RAD51B: variants seen among roughly 807,000 people sequenced by gnomAD.
The protein encoded by RAD51B is RAD51 paralog B, also known as DNA repair protein RAD51 homolog 2.
In RAD51B, 38 loss-of-function variants were observed where a neutral mutation model predicts 42.2. That is an observed-to-expected ratio of 0.90 (90% CI 0.70 to 1.18). The LOEUF is 1.18. Ranked by LOEUF, RAD51B falls within the 50% of genes most tolerant of loss-of-function variation. The pLI, the probability that RAD51B is intolerant of heterozygous loss-of-function variation, is 0.00. For missense variants in RAD51B, 373 were observed against 400.7 expected (o/e 0.93, Z 0.59); for synonymous variants, 154 against 145.2 (o/e 1.06, Z -0.43).
chr14:67,933,356 C>G (rs1308350115), intron 7 of RAD51B, among the ~76,000 whole-genome samples: 1 of 152,180 alleles, frequency 6.6e-6, no homozygotes, highest in Admixed American at 6.5e-5. Flanking sequence ...TATGGGGCCT[C>G]TGATTTCCAG....
chr14:68,003,780 G>GT (rs1310548926), intron 7 of RAD51B, among the ~76,000 whole-genome samples: 2 of 152,130 alleles, frequency 1.3e-5, no homozygotes, highest in East Asian at 3.9e-4. Context: ...GATAATCGTG[G>GT]TTTTTTTCTA....
At chr14:68,271,218 C>A (rs1419253707) in intron 7 of RAD51B, among the ~76,000 whole-genome samples, 1 of 152,216 alleles carries the variant, frequency 6.6e-6, no homozygotes, top group Non-Finnish European at 1.5e-5. Context: ...GGAAGGATTT[C>A]TATCTGTTTT....
rs149120916 is a variant in RAD51B at position 68,297,582 on chromosome 14, C to T, written c.853+5602C>T. On this transcript the variant is annotated intron_variant, in intron 8 of 10. Coordinates refer to ENST00000471583, the MANE Select transcript of RAD51B (RefSeq NM_133510.4). ...TGGTTTGTGTAGGGCCATGTACCAA[C>T]GGGTATGAGTGGAGTAGTTTTAAAA... Among the ~76,000 whole-genome samples the T allele has an allele frequency of 3.0e-3, 455 of 152,198 alleles. 9 individuals carry two copies. In the East Asian group the frequency reaches 0.039, roughly 13 times the overall value.
chr14:67,911,252 ATGG>A (rs1443638610), intron 7 of RAD51B, among the ~76,000 whole-genome samples: 2 of 152,238 alleles, frequency 1.3e-5, no homozygotes, highest in Non-Finnish European at 2.9e-5. Flanking sequence ...TTGCATTGAA[ATGG>A]TGGTGCATGG....
At chr14:68,169,677 G>C (rs950532954) in intron 7 of RAD51B, among the ~76,000 whole-genome samples, 6 of 152,174 alleles carry the variant, frequency 3.9e-5, no homozygotes, top group African/African-American at 1.4e-4. Flanking sequence ...GATGGTCTGA[G>C]AGGCAGTTAG....
intron 9 of RAD51B, chr14:68,422,070 C>T: frequency 1.3e-6 from 2 of 1,527,300 alleles, no homozygotes; most frequent in South Asian, 2.2e-5. Flanking sequence ...AATCCTTTCT[C>T]TCCAGTGCTC....
chr14:68,566,960 T>C (rs781353235), intron 10 of RAD51B, among the ~76,000 whole-genome samples: 12 of 152,196 alleles, frequency 7.9e-5, no homozygotes, highest in Non-Finnish European at 1.6e-4. Context: ...TTCAATATGC[T>C]TGTTTTGTTA....
At chr14:68,374,083 AC>A (rs1164145448) in intron 8 of RAD51B, among the ~76,000 whole-genome samples, 2 of 152,196 alleles carry the variant, frequency 1.3e-5, no homozygotes, top group African/African-American at 4.8e-5. Flanking sequence ...AGGAAATGAA[AC>A]TCAACAAAGA....
rs2076923456 is a variant in RAD51B at position 68,082,253 on chromosome 14, C to T, written c.756+195049C>T. 3.9e-5 allele frequency among the ~76,000 whole-genome samples: 6 copies of T among 152,256 alleles called. No homozygotes were observed. In the South Asian group the frequency reaches 1.2e-3, roughly 32 times the overall value. On this transcript the variant is annotated intron_variant, in intron 7 of 10. Coordinates refer to ENST00000471583, the MANE Select transcript of RAD51B (RefSeq NM_133510.4). ...GGGATTATAGATGTGAGCCACTGCG[C>T]CCGGCCGCAAATAATATTTCTTAAT...
chr14:68,104,340 G>A (rs538311012), intron 7 of RAD51B, among the ~76,000 whole-genome samples: 4 of 152,176 alleles, frequency 2.6e-5, no homozygotes, highest in Admixed American at 1.3e-4. Context: ...CTGCTTCTAC[G>A]TGTTTTGTTT....
At chr14:68,476,802 A>G (rs1882657597) in intron 10 of RAD51B, among the ~76,000 whole-genome samples, 2 of 152,322 alleles carry the variant, frequency 1.3e-5, no homozygotes, top group South Asian at 2.1e-4. Flanking sequence ...AAATCTTCCT[A>G]TCTACCTACT....
At position 68,275,794 on chromosome 14, in the gene RAD51B, C is replaced by CCACACACACACACA. The variant is rs10641411; in HGVS notation, c.757-16056_757-16043dup. Among the ~76,000 whole-genome samples, 487 of 141,358 alleles carry CCACACACACACACA rather than the reference C, an allele frequency of 3.4e-3. 2 individuals are homozygous for CCACACACACACACA. The highest frequency in any genetic ancestry group is 7.2e-3 in the African/African-American group (272 of 37,666). 92.7% of individuals were successfully genotyped at this position (141,358 alleles called of 152,430 possible). A position where few individuals can be genotyped will look rare whatever the true frequency, so the allele number is the denominator to read the frequency against. ...CTAAATACAGTTTGAAACTAGCTCT[C>CCACACACACACACA]CACACACACACACACACACACACAC... On this transcript the variant is annotated intron_variant, in intron 7 of 10. Coordinates refer to ENST00000471583, the MANE Select transcript of RAD51B (RefSeq NM_133510.4).
chr14:68,653,042 G>A (rs773525306), intron 11 of RAD51B, among the ~76,000 whole-genome samples: 2 of 152,190 alleles, frequency 1.3e-5, no homozygotes, highest in South Asian at 2.1e-4. Context: ...TGATTCACAC[G>A]CATGTTTTAT....
At position 67,842,666 on chromosome 14, in the gene RAD51B, A is replaced by G. The variant is rs2041469071; in HGVS notation, c.315+7470A>G. ...ATTACAGGCATGTGCCACCGTGCCCAGCCTTATTTCTTTCTCTTGCCTGAT... is the reference window on the plus strand; with the variant it reads ...ATTACAGGCATGTGCCACCGTGCCCGGCCTTATTTCTTTCTCTTGCCTGAT... On this transcript the variant is annotated intron_variant, in intron 4 of 10. Transcript: ENST00000471583. Among the ~76,000 whole-genome samples the G allele has an allele frequency of 2.0e-5, 3 of 152,164 alleles. 1 individual carries two copies. In the South Asian group the frequency reaches 6.2e-4, roughly 31 times the overall value.
intron 8 of RAD51B, among the ~76,000 whole-genome samples, chr14:68,367,293 C>T (rs367595555): frequency 1.3e-5 from 2 of 152,172 alleles, no homozygotes; most frequent in East Asian, 3.8e-4. Context: ...CTTCCTTAGT[C>T]ATAATTTTAT....
chr14:68,376,107 G>A (rs1184175916), intron 8 of RAD51B, among the ~76,000 whole-genome samples: 1 of 152,140 alleles, frequency 6.6e-6, no homozygotes, highest in African/African-American at 2.4e-5. Context: ...AAATGTGAGG[G>A]TGTTATTAAA....
At chr14:68,362,395 A>G (rs1020790403) in intron 8 of RAD51B, among the ~76,000 whole-genome samples, 1 of 152,236 alleles carries the variant, frequency 6.6e-6, no homozygotes, top group African/African-American at 2.4e-5. Context: ...ACTAATTTTC[A>G]TAGCAATCTG....
intron 7 of RAD51B, among the ~76,000 whole-genome samples, chr14:67,984,905 G>C (rs967334917): frequency 6.6e-6 from 1 of 152,136 alleles, no homozygotes; most frequent in Non-Finnish European, 1.5e-5. Flanking sequence ...CAAATAGAAA[G>C]TGTAAAATAA....
chr14:68,173,099 G>T lies in RAD51B; in HGVS notation c.757-118785G>T, dbSNP rs73288067. 7.5e-3 allele frequency among the ~76,000 whole-genome samples: 1,140 copies of T among 152,292 alleles called. 15 individuals are homozygous for T. The highest frequency in any genetic ancestry group is 0.027 in the African/African-American group (1,105 of 41,558). ...TTTAAATTTTACAGGTGAAGAAGTAGAACTCAGAGAAGTTTTACTTGCCAA... is the reference window on the plus strand; with the variant it reads ...TTTAAATTTTACAGGTGAAGAAGTATAACTCAGAGAAGTTTTACTTGCCAA... On this transcript the variant is annotated intron_variant, in intron 7 of 10. Transcript: ENST00000471583.
Sources: allele counts gnomAD v4.1 joint callset (sites outside exome capture counted in the v4.1 genomes callset), GRCh38; gene constraint gnomAD v4.1.1; transcripts MANE v1.5; gene names NCBI Gene and HGNC (gene_info 2026-07-23, HGNC 2026-07-21).